The following CCSER1 variants were observed in gnomAD, a reference collection of about 807,000 sequenced individuals.
The protein encoded by CCSER1 is serine-rich coiled-coil domain-containing protein 1.
CCSER1 carries 41 observed loss-of-function variants against 82.0 expected under a neutral mutation model. The observed-to-expected ratio is 0.50, with a 90% CI of 0.39 to 0.65. The LOEUF is 0.65. CCSER1 is among the 30% of genes least tolerant of loss of function. The pLI, the probability that CCSER1 is intolerant of heterozygous loss-of-function variation, is 0.00. For synonymous variants in CCSER1, 414 were observed against 383.9 expected, an observed-to-expected ratio of 1.08 and a Z score of -0.92; for missense variants, 1,119 against 1,064.2, an observed-to-expected ratio of 1.05 and a Z score of -0.72.
At chr4:91,264,378 AT>A (rs2149170664) in intron 10 of CCSER1, among the ~76,000 whole-genome samples, 1 of 151,840 alleles carries the variant, frequency 6.6e-6, no homozygotes, top group East Asian at 1.9e-4. Flanking sequence ...CATTTCTAAT[AT>A]TTTAGATATA....
chr4:90,705,413 G>C (rs570321605), intron 6 of CCSER1, among the ~76,000 whole-genome samples: 1 of 152,146 alleles, frequency 6.6e-6, no homozygotes, highest in Non-Finnish European at 1.5e-5. Context: ...TAGGCTATTC[G>C]GGGGTCAGGG....
intron 5 of CCSER1, among the ~76,000 whole-genome samples, chr4:90,573,090 G>A (rs887950801): frequency 6.6e-6 from 1 of 152,222 alleles, no homozygotes; most frequent in African/African-American, 2.4e-5. Flanking sequence ...CTCCTGGGGT[G>A]GACTGCAAAC....
At chr4:90,996,129 A>G (rs1385430479) in intron 9 of CCSER1, among the ~76,000 whole-genome samples, 2 of 152,140 alleles carry the variant, frequency 1.3e-5, no homozygotes, top group East Asian at 1.9e-4. Context: ...TCATCTGTAT[A>G]TACTGTTTGA....
At chr4:90,778,159 A>G (rs909654170) in intron 7 of CCSER1, among the ~76,000 whole-genome samples, 4 of 152,176 alleles carry the variant, frequency 2.6e-5, no homozygotes, top group Non-Finnish European at 5.9e-5. Flanking sequence ...AACTCAGATT[A>G]TATTATCTTG....
intron 10 of CCSER1, among the ~76,000 whole-genome samples, chr4:91,209,909 A>G (rs1736669357): frequency 6.6e-6 from 1 of 151,842 alleles, no homozygotes; most frequent in Admixed American, 6.6e-5. Flanking sequence ...ACTGAGAATG[A>G]TTAGAAACAG....
At chr4:91,289,643 T>C (rs1473682257) in intron 10 of CCSER1, among the ~76,000 whole-genome samples, 1 of 151,788 alleles carries the variant, frequency 6.6e-6, no homozygotes, top group African/African-American at 2.4e-5. Flanking sequence ...GAGAGGTCAA[T>C]AGAAATTGCC....
At position 90,929,230 on chromosome 4, in the gene CCSER1, GA is replaced by G. The variant is rs201499762; in HGVS notation, c.2172+5791del. On this transcript the variant is annotated intron_variant, in intron 9 of 10. Coordinates refer to ENST00000509176, the MANE Select transcript of CCSER1 (RefSeq NM_001145065.2). ...AGAAAGCACTCAATGATTACTTGGTGAAAAAAAATTAACTAAAAGCCACTAA... is the reference window on the plus strand; with the variant it reads ...AGAAAGCACTCAATGATTACTTGGTGAAAAAAATTAACTAAAAGCCACTAA... Among the ~76,000 whole-genome samples the G allele has an allele frequency of 5.1e-3, 771 of 151,666 alleles. 2 individuals carry two copies. Among genetic ancestry groups the G allele is most frequent in the African/African-American group, 0.018 (728 of 41,380 alleles).
intron 10 of CCSER1, among the ~76,000 whole-genome samples, chr4:91,544,421 T>G (rs531464812): frequency 6.6e-6 from 1 of 152,302 alleles, no homozygotes; most frequent in African/African-American, 2.4e-5. Flanking sequence ...TCTGCTCTGG[T>G]TTCTCCCTGT....
intron 10 of CCSER1, among the ~76,000 whole-genome samples, chr4:91,203,649 TA>T (rs5860223): frequency 0.59 from 88,542 of 151,158 alleles, 26,428 homozygotes; most frequent in East Asian, 0.93. Context: ...TATACTATGT[TA>T]AAAAAAAACA....
intron 10 of CCSER1, among the ~76,000 whole-genome samples, chr4:91,365,645 A>G (rs1749559902): frequency 6.6e-6 from 1 of 152,206 alleles, no homozygotes; most frequent in African/African-American, 2.4e-5. Context: ...ATTTTTTAAA[A>G]CAATTAAATT....
At chr4:90,382,516 T>C (rs1266650519) in intron 3 of CCSER1, among the ~76,000 whole-genome samples, 6 of 152,142 alleles carry the variant, frequency 3.9e-5, no homozygotes, top group African/African-American at 1.4e-4. Context: ...TGTCCTTCTT[T>C]CTCTGGGATG....
intron 7 of CCSER1, among the ~76,000 whole-genome samples, chr4:90,749,568 T>C (rs941415850): frequency 2.6e-5 from 4 of 152,120 alleles, no homozygotes; most frequent in African/African-American, 7.2e-5. Flanking sequence ...TTTCCAATTC[T>C]GTGAACAAAG....
At chr4:90,360,268 C>T (rs1182852738) in intron 3 of CCSER1, among the ~76,000 whole-genome samples, 1 of 149,170 alleles carries the variant, frequency 6.7e-6, no homozygotes, top group Non-Finnish European at 1.5e-5. Flanking sequence ...GTGGCTCACG[C>T]CTGTAATCTC....
intron 10 of CCSER1, among the ~76,000 whole-genome samples, chr4:91,357,974 G>A (rs1168116166): frequency 1.4e-5 from 2 of 139,222 alleles, no homozygotes; most frequent in African/African-American, 5.4e-5. Context: ...AAGATTAGAA[G>A]TTACCATAAT....
intron 1 of CCSER1, among the ~76,000 whole-genome samples, chr4:90,150,965 AT>A (rs35588830): frequency 2.6e-5 from 4 of 151,288 alleles, no homozygotes; most frequent in Non-Finnish European, 5.9e-5. Flanking sequence ...ATAGATTGTT[AT>A]TTTTTTTTCC....
chr4:91,564,247 G>A (rs774807626), intron 10 of CCSER1, among the ~76,000 whole-genome samples: 6 of 151,832 alleles, frequency 4.0e-5, no homozygotes, highest in Admixed American at 6.6e-5. Flanking sequence ...TGAAGACATA[G>A]TATTCCATGG....
intron 10 of CCSER1, among the ~76,000 whole-genome samples, chr4:91,257,203 C>T (rs74971011): frequency 0.018 from 2,796 of 152,062 alleles, 88 homozygotes; most frequent in African/African-American, 0.061. Flanking sequence ...AGATATGTTA[C>T]GTTAGAAAAC....
chr4:90,545,497 T>C (rs1385099429), intron 5 of CCSER1, among the ~76,000 whole-genome samples: 1 of 152,150 alleles, frequency 6.6e-6, no homozygotes, highest in Non-Finnish European at 1.5e-5. Context: ...GACAGTCTCC[T>C]CTCTGCCTCG....
intron 5 of CCSER1, among the ~76,000 whole-genome samples, chr4:90,609,331 G>C (rs147691424): frequency 6.6e-6 from 1 of 152,092 alleles, no homozygotes; most frequent in African/African-American, 2.4e-5. Context: ...GTGAGTTAAC[G>C]CATATAATTA....
Sources: allele counts gnomAD v4.1 joint callset (sites outside exome capture counted in the v4.1 genomes callset), GRCh38; gene constraint gnomAD v4.1.1; transcripts MANE v1.5; gene names NCBI Gene and HGNC (gene_info 2026-07-23, HGNC 2026-07-21).